FCHSD2: variants seen among roughly 807,000 people sequenced by gnomAD.
FCHSD2 encodes the protein FCH and double SH3 domains 2.
In FCHSD2, 38 loss-of-function variants were observed where a neutral mutation model predicts 108.1. That is an observed-to-expected ratio of 0.35 (90% CI 0.27 to 0.46). FCHSD2 has a LOEUF of 0.46. Among genes scored for constraint, FCHSD2 ranks in the 20% least tolerant of loss-of-function variants. FCHSD2 has a pLI of 1.00. For missense variants in FCHSD2, 751 were observed against 897.8 expected (o/e 0.84, Z 2.09); for synonymous variants, 279 against 314.7 (o/e 0.89, Z 1.20).
rs565748781 is a variant in FCHSD2 at position 73,002,373 on chromosome 11, A to G, written c.243-1239T>C. Among the ~76,000 whole-genome samples, 12 of 152,316 alleles carry G rather than the reference A, an allele frequency of 7.9e-5. No individual in the cohort carries two copies. In the South Asian group the frequency reaches 2.3e-3, roughly 29 times the overall value. ...AAAGATTCAATGTGTTGCACCAGCA[A>G]AAACTGTCAGCATAAAAGCACTGAT... On this transcript the variant is annotated intron_variant, in intron 4 of 19. Coordinates refer to ENST00000409418, the MANE Select transcript of FCHSD2 (RefSeq NM_014824.3).
chr11:73,116,670 G>C (rs923901345), intron 2 of FCHSD2, among the ~76,000 whole-genome samples: 1 of 152,126 alleles, frequency 6.6e-6, no homozygotes, highest in African/African-American at 2.4e-5. Context: ...CAAGTAGCGG[G>C]GACTACAGGC....
At chr11:73,130,040 C>G (rs570112067) in intron 2 of FCHSD2, among the ~76,000 whole-genome samples, 1 of 151,904 alleles carries the variant, frequency 6.6e-6, no homozygotes, top group South Asian at 2.1e-4. Context: ...GCCACCACGC[C>G]CAGCTAATTT....
In FCHSD2 at chr11:72,902,547, T is replaced by C. The variant is rs1374505092; in HGVS notation, c.920A>G (p.Asp307Gly). The change falls in exon 10 of 20, where the codon GAT becomes GGT. Residue 307 changes from aspartate to glycine, a missense_variant. Physicochemically the swap from Asp to Gly is moderately conservative, Grantham distance 94. Coordinates refer to ENST00000409418, the MANE Select transcript of FCHSD2 (RefSeq NM_014824.3). ...GAAAATCTATAATTCCCTTACAGTA[T>C]CACTGTCACAAGGCTGGAACTGGAA... is the stretch of plus-strand genomic sequence containing the variant. ...QPFQFQPCDS[D>G]TSRQLESETG... The C allele has an allele frequency of 6.4e-7, 1 of 1,568,590 alleles. No homozygotes were observed. The highest frequency in any genetic ancestry group is 1.3e-5 in the African/African-American group (1 of 74,158).
At chr11:73,107,222 G>GT (rs1860366613) in intron 2 of FCHSD2, among the ~76,000 whole-genome samples, 1 of 151,940 alleles carries the variant, frequency 6.6e-6, no homozygotes, top group African/African-American at 2.4e-5. Context: ...ACCCAGCTAA[G>GT]TTTTGTATTT....
At chr11:73,078,807 A>G (rs549846535) in intron 3 of FCHSD2, among the ~76,000 whole-genome samples, 1 of 152,178 alleles carries the variant, frequency 6.6e-6, no homozygotes, top group Admixed American at 6.6e-5. Flanking sequence ...CAGCCTTGAA[A>G]TCCTGGACTC....
chr11:73,068,933 T>TAAGTA (rs1859366046), intron 3 of FCHSD2, among the ~76,000 whole-genome samples: 1 of 149,954 alleles, frequency 6.7e-6, no homozygotes, highest in South Asian at 2.1e-4. Context: ...GAGGATGGCT[T>TAAGTA]AAGTAAAGAA....
At chr11:72,851,401 T>C (rs772144860) in intron 13 of FCHSD2, among the ~76,000 whole-genome samples, 15 of 152,274 alleles carry the variant, frequency 9.9e-5, no homozygotes, top group Non-Finnish European at 1.8e-4. Flanking sequence ...AATGTTTGAA[T>C]GCACTCTGAT....
chr11:72,958,765 TTATC>T (rs1241318935), intron 8 of FCHSD2, among the ~76,000 whole-genome samples: 3 of 152,156 alleles, frequency 2.0e-5, no homozygotes, highest in Non-Finnish European at 4.4e-5. Flanking sequence ...AGAAAAAAAG[TTATC>T]TATTTTAACC....
rs1477577693 is a variant in FCHSD2 at position 73,105,393 on chromosome 11, G to GT, written c.120-21654_120-21653insA. On this transcript the variant is annotated intron_variant, in intron 2 of 19. Transcript: ENST00000409418. ...TGTCTACAGTACACCCTCTATATAA[G>GT]ACACCACCATGCCCCAGAATCTACC... Among the ~76,000 whole-genome samples, 8 of 152,130 alleles carry GT rather than the reference G, an allele frequency of 5.3e-5. No individual in the cohort carries two copies. In the East Asian group the frequency reaches 1.5e-3, roughly 29 times the overall value.
intron 14 of FCHSD2, among the ~76,000 whole-genome samples, chr11:72,844,786 T>C (rs544025794): frequency 2.0e-5 from 3 of 151,776 alleles, no homozygotes; most frequent in African/African-American, 7.2e-5. Context: ...CAAACAAAAA[T>C]AAGGCAAAAA....
chr11:73,020,891 T>C (rs925778962), intron 3 of FCHSD2, among the ~76,000 whole-genome samples: 1 of 152,112 alleles, frequency 6.6e-6, no homozygotes, highest in Non-Finnish European at 1.5e-5. Flanking sequence ...TTTATTTACA[T>C]TGAGACAGGG....
At chr11:72,879,577 A>G (rs577335896) in intron 12 of FCHSD2, among the ~76,000 whole-genome samples, 3 of 152,212 alleles carry the variant, frequency 2.0e-5, no homozygotes, top group Non-Finnish European at 4.4e-5. Context: ...TAAAAGAAGA[A>G]CCACATAGAA....
intron 6 of FCHSD2, among the ~76,000 whole-genome samples, chr11:72,986,298 C>G (rs1019652240): frequency 6.6e-6 from 1 of 152,130 alleles, no homozygotes; most frequent in Non-Finnish European, 1.5e-5. Context: ...CAACCTCTGC[C>G]TCCTGGGTTC....
intron 4 of FCHSD2, among the ~76,000 whole-genome samples, chr11:73,003,925 G>A (rs1222737060): frequency 1.3e-5 from 2 of 151,008 alleles, no homozygotes; most frequent in African/African-American, 2.4e-5. Flanking sequence ...TGGCCAACAC[G>A]GTGAAATCCC....
chr11:73,094,554 AAATG>A (rs1167080569), intron 2 of FCHSD2, among the ~76,000 whole-genome samples: 1 of 152,214 alleles, frequency 6.6e-6, no homozygotes, highest in African/African-American at 2.4e-5. Flanking sequence ...ATTTATTCTT[AAATG>A]GAGTAAAGCT....
chr11:73,070,764 TTATTAAG>T (rs1859418427), intron 3 of FCHSD2, among the ~76,000 whole-genome samples: 2 of 151,782 alleles, frequency 1.3e-5, no homozygotes, highest in South Asian at 4.2e-4. Context: ...ATTGAACAAG[TTATTAAG>T]TGAATGGTGA....
chr11:72,838,859 G>C lies in FCHSD2; in HGVS notation c.2155C>G (p.Pro719Ala), dbSNP rs760772829. Residue 719 changes from proline to alanine, a missense_variant, in exon 20 of 20, where the codon CCT becomes GCT. Physicochemically the swap from Pro to Ala is conservative, Grantham distance 27. Coordinates refer to ENST00000409418, the MANE Select transcript of FCHSD2 (RefSeq NM_014824.3). ...GKLRPVRAAP[P>A]PPTQNHRRPA... ...CTTCGGTGATTCTGTGTAGGTGGAG[G>C]GGGAGCTGCCCGGACCTGAGCAGGA... is the stretch of plus-strand genomic sequence containing the variant. 38 of 1,607,414 alleles carry C rather than the reference G, an allele frequency of 2.4e-5. No homozygotes were observed. Among genetic ancestry groups the C allele is most frequent in the Non-Finnish European group, 3.1e-5 (36 of 1,177,880 alleles).
intron 2 of FCHSD2, among the ~76,000 whole-genome samples, chr11:73,093,381 G>C (rs566001700): frequency 6.6e-6 from 1 of 152,090 alleles, no homozygotes; most frequent in African/African-American, 2.4e-5. Flanking sequence ...CCACAAAATT[G>C]CAAGTCGTGT....
intron 12 of FCHSD2, among the ~76,000 whole-genome samples, chr11:72,872,286 CTTTTTT>C (rs59486746): frequency 1.5e-5 from 2 of 132,218 alleles, no homozygotes; most frequent in East Asian, 2.1e-4. Context: ...TTTTTCTTTT[CTTTTTT>C]TTTTTTTTTT....
Sources: gnomAD v4.1 joint callset for allele counts (sites outside exome capture counted in the v4.1 genomes callset) on GRCh38, gnomAD v4.1.1 for gene constraint, MANE v1.5 for transcripts, NCBI Gene and HGNC (gene_info 2026-07-23, HGNC 2026-07-21) for gene names.